RAB38: variants seen among roughly 807,000 people sequenced by gnomAD.
RAB38 encodes RAB38, member RAS oncogene family.
In RAB38, 15 loss-of-function variants were observed where a neutral mutation model predicts 18.4. The ratio of observed to expected loss-of-function variants is 0.82; its 90% CI spans 0.55 to 1.26. RAB38 has a LOEUF of 1.26. Ranked by LOEUF, RAB38 falls within the 50% of genes most tolerant of loss-of-function variation. The pLI, the probability that RAB38 is intolerant of heterozygous loss-of-function variation, is 0.00. For missense variants in RAB38, 294 were observed against 267.4 expected (o/e 1.10, Z -0.69); for synonymous variants, 101 against 104.4 (o/e 0.97, Z 0.20).
the RAB38 span, among the ~76,000 whole-genome samples, chr11:87,949,501 T>G: frequency 2.6e-5 from 4 of 152,228 alleles, no homozygotes; most frequent in Non-Finnish European, 4.4e-5. Flanking sequence ...ATTTTAGATC[T>G]TTCCTGCTTT....
the RAB38 span, among the ~76,000 whole-genome samples, chr11:87,866,523 T>A: frequency 6.6e-6 from 1 of 151,780 alleles, no homozygotes; most frequent in African/African-American, 2.4e-5. Context: ...TATTATTGAT[T>A]TTAGCTGCTT....
the RAB38 span, among the ~76,000 whole-genome samples, chr11:87,877,215 C>T: frequency 6.6e-6 from 1 of 151,424 alleles, no homozygotes; most frequent in Admixed American, 6.6e-5. Flanking sequence ...TTCTGTAAAG[C>T]CATAGTGGAA....
chr11:88,033,690 A>G, the RAB38 span, among the ~76,000 whole-genome samples: 1 of 150,654 alleles, frequency 6.6e-6, no homozygotes, highest in Admixed American at 6.6e-5. Context: ...TATAGTAAAG[A>G]ACATTTCTCT....
the RAB38 span, among the ~76,000 whole-genome samples, chr11:88,022,333 A>G: frequency 2.2e-4 from 33 of 151,844 alleles, no homozygotes; most frequent in East Asian, 1.2e-3. Context: ...AAAAAAGAGT[A>G]CAGAAGGAAC....
intron 1 of RAB38, among the ~76,000 whole-genome samples, chr11:88,174,635 A>C (rs1432632725): frequency 7.4e-5 from 11 of 149,622 alleles, no homozygotes; most frequent in East Asian, 5.9e-4. Context: ...AAAAAAAAAA[A>C]AAAAAACAAA....
the RAB38 span, among the ~76,000 whole-genome samples, chr11:87,924,468 G>GAA: frequency 6.6e-6 from 1 of 151,936 alleles, no homozygotes; most frequent in Non-Finnish European, 1.5e-5. Flanking sequence ...GTCATAAACT[G>GAA]AAATATTAAC....
At chr11:87,918,807 C>T in the RAB38 span, among the ~76,000 whole-genome samples, 1 of 151,898 alleles carries the variant, frequency 6.6e-6, no homozygotes, top group South Asian at 2.1e-4. Context: ...ATATTTACTT[C>T]CATTCCATAG....
At chr11:88,072,238 A>G in the RAB38 span, among the ~76,000 whole-genome samples, 1 of 152,246 alleles carries the variant, frequency 6.6e-6, no homozygotes, top group African/African-American at 2.4e-5. Context: ...AATTTGCTAG[A>G]AATAATAAAC....
the RAB38 span, among the ~76,000 whole-genome samples, chr11:87,965,933 G>T: frequency 6.6e-6 from 1 of 152,160 alleles, no homozygotes; most frequent in African/African-American, 2.4e-5. Context: ...TCTGCCTTAA[G>T]AAAACAATGT....
the RAB38 span, among the ~76,000 whole-genome samples, chr11:88,004,460 A>G: frequency 6.6e-6 from 1 of 151,306 alleles, no homozygotes; most frequent in African/African-American, 2.4e-5. Flanking sequence ...AACCTGAAAT[A>G]TAAGGAAAGT....
intron 2 of RAB38, 22 bp from the exon 3 acceptor site, chr11:88,114,162 A>G: frequency 1.2e-6 from 2 of 1,612,236 alleles, no homozygotes; most frequent in South Asian, 1.1e-5. Flanking sequence ...AAAATAAAAC[A>G]GCTTTTCTTA....
chr11:88,093,398 G>A, the RAB38 span, among the ~76,000 whole-genome samples: 2 of 151,790 alleles, frequency 1.3e-5, no homozygotes. Context: ...AATGGTTATA[G>A]AGTTTATTTC....
chr11:88,109,941 A>G (rs932221393), downstream of RAB38, among the ~76,000 whole-genome samples: 1 of 152,200 alleles, frequency 6.6e-6, no homozygotes, highest in Non-Finnish European at 1.5e-5. Flanking sequence ...TAGTTCAACC[A>G]TTGTGGACGA....
At chr11:88,093,167 G>A in the RAB38 span, among the ~76,000 whole-genome samples, 1 of 151,894 alleles carries the variant, frequency 6.6e-6, no homozygotes, top group East Asian at 1.9e-4. Flanking sequence ...GAGTCCCCGT[G>A]TGTCCATATG....
chr11:87,826,303 T>G, the RAB38 span, among the ~76,000 whole-genome samples: 5 of 152,116 alleles, frequency 3.3e-5, no homozygotes, highest in African/African-American at 1.2e-4. Flanking sequence ...TTTCTTTATT[T>G]TAGATTATAA....
At chr11:88,060,359 G>C in the RAB38 span, 2 of 152,158 alleles carry the variant, frequency 1.3e-5, no homozygotes, top group Non-Finnish European at 2.9e-5. Flanking sequence ...AAGAGTGCAA[G>C]GAAAATGTAT....
the RAB38 span, among the ~76,000 whole-genome samples, chr11:87,976,467 T>C: frequency 7.5e-6 from 1 of 133,462 alleles, no homozygotes; most frequent in African/African-American, 2.7e-5. Flanking sequence ...ATATATATTT[T>C]ACATATAGTT....
At chr11:88,175,122 T>TTG in intron 1 of RAB38, 61 bp downstream of exon 1, 1 of 1,479,516 alleles carries the variant, frequency 6.8e-7, no homozygotes, top group South Asian at 1.3e-5. Context: ...AGCCGCTGCC[T>TTG]CGAGACTGGA....
At chr11:87,954,242 C>T in the RAB38 span, among the ~76,000 whole-genome samples, 1 of 152,152 alleles carries the variant, frequency 6.6e-6, no homozygotes, top group African/African-American at 2.4e-5. Flanking sequence ...ACGATGCATC[C>T]ACCCTGCTGA....
Sources: allele counts gnomAD v4.1 joint callset (sites outside exome capture counted in the v4.1 genomes callset), GRCh38; gene constraint gnomAD v4.1.1; transcripts MANE v1.5; gene names NCBI Gene and HGNC (gene_info 2026-07-23, HGNC 2026-07-21).